NCAM1: variants seen among roughly 807,000 people sequenced by gnomAD.
The protein encoded by NCAM1 is antigen recognized by monoclonal antibody 5.1H11.
In NCAM1, 14 loss-of-function variants were observed where a neutral mutation model predicts 109.8. That is an observed-to-expected ratio of 0.13 (90% CI 0.08 to 0.20). The LOEUF (loss-of-function observed/expected upper bound fraction) is 0.20, where lower values mean the gene tolerates loss of function less well. Ranked by LOEUF, NCAM1 falls within the 10% of genes least tolerant of loss-of-function variation. The pLI is 1.00. For synonymous variants in NCAM1, 418 were observed against 442.9 expected, an observed-to-expected ratio of 0.94 and a Z score of 0.70; for missense variants, 774 against 1,109.9, an observed-to-expected ratio of 0.70 and a Z score of 4.30.
intron 1 of NCAM1, among the ~76,000 whole-genome samples, chr11:113,151,291 T>C (rs1328947002): frequency 6.6e-6 from 1 of 152,146 alleles, no homozygotes; most frequent in Non-Finnish European, 1.5e-5. Context: ...AAAGAGAGAA[T>C]GAAGCTGTGG....
At chr11:113,102,486 C>T (rs1472810263) in intron 1 of NCAM1, among the ~76,000 whole-genome samples, 1 of 152,076 alleles carries the variant, frequency 6.6e-6, no homozygotes, top group African/African-American at 2.4e-5. Context: ...TCTTGCAATT[C>T]CTTTAGCTGG....
chr11:113,164,258 A>G (rs1307866576), intron 1 of NCAM1, among the ~76,000 whole-genome samples: 3 of 152,180 alleles, frequency 2.0e-5, no homozygotes, highest in African/African-American at 7.2e-5. Flanking sequence ...TTTCTCCTAC[A>G]ATACCCATAC....
Position 113,091,328 on chromosome 11 carries a change from G to C in NCAM1, c.53-111051G>C, listed in dbSNP as rs1236520739. Among the ~76,000 whole-genome samples, 5 of 152,058 alleles carry C rather than the reference G, an allele frequency of 3.3e-5. No homozygotes were observed. The East Asian group carries it at 9.6e-4, about 29-fold the overall frequency. The stretch of plus-strand genomic sequence containing the variant: ...CCCTGTTTCTGCTGCTTTCTGCCAG[G>C]GATATCTTTGGCTCAAAGGGTTATC... On this transcript the variant is annotated intron_variant, in intron 1 of 19. Transcript: ENST00000316851.
At position 113,202,392 on chromosome 11, in the gene NCAM1, G is replaced by T. The variant is rs782631468; in HGVS notation, c.66G>T (p.Val22=). 2 of 1,600,268 alleles carry T rather than the reference G, an allele frequency of 1.2e-6. No homozygotes were observed. ...FFLGTAVSLQ[V]DIVPSQGEIS... is the part of the protein sequence containing the mutation. ...TTGTTTTTTCAGTTTCTCTGCAGGT[G>T]GATATTGTTCCCAGCCAGGGGGAGA... The change falls in exon 2 of 20, where the codon GTG becomes GTT. Residue 22 remains valine (V), a synonymous_variant. Transcript: ENST00000316851.
chr11:113,099,721 C>G (rs890076881), intron 1 of NCAM1, among the ~76,000 whole-genome samples: 1 of 152,194 alleles, frequency 6.6e-6, no homozygotes, highest in East Asian at 1.9e-4. Context: ...TGGAGTCTCT[C>G]TCTGTCACCT....
chr11:113,159,923 G>T (rs1942544252), intron 1 of NCAM1, among the ~76,000 whole-genome samples: 1 of 141,780 alleles, frequency 7.1e-6, no homozygotes, highest in Non-Finnish European at 1.5e-5. Context: ...TGAGAATGTA[G>T]TTGTAGCTTT....
At chr11:113,060,071 A>T (rs1014189676) in intron 1 of NCAM1, among the ~76,000 whole-genome samples, 4 of 152,232 alleles carry the variant, frequency 2.6e-5, no homozygotes, top group Admixed American at 1.3e-4. Flanking sequence ...GACTGGCTGA[A>T]ATAAAAGAGT....
chr11:113,225,696 C>T (rs1383652209), intron 9 of NCAM1, among the ~76,000 whole-genome samples: 1 of 152,218 alleles, frequency 6.6e-6, no homozygotes, highest in Non-Finnish European at 1.5e-5. Flanking sequence ...GGTCGGGTTA[C>T]CCACAAAGGG....
intron 1 of NCAM1, among the ~76,000 whole-genome samples, chr11:113,006,667 G>A (rs2135054780): frequency 6.6e-6 from 1 of 152,184 alleles, no homozygotes; most frequent in South Asian, 2.1e-4. Flanking sequence ...TGAACCAGTA[G>A]GTTTTTGTAT....
chr11:113,083,235 C>T (rs1273354859), intron 1 of NCAM1, among the ~76,000 whole-genome samples: 1 of 152,118 alleles, frequency 6.6e-6, no homozygotes, highest in Non-Finnish European at 1.5e-5. Context: ...ATAATTTCAT[C>T]CTTATAACAT....
chr11:113,184,327 G>C (rs1235265344), intron 1 of NCAM1, among the ~76,000 whole-genome samples: 1 of 152,156 alleles, frequency 6.6e-6, no homozygotes, highest in African/African-American at 2.4e-5. Flanking sequence ...ACCTGTAGAG[G>C]TTTAAAATTC....
intron 1 of NCAM1, among the ~76,000 whole-genome samples, chr11:113,059,642 C>A (rs936789701): frequency 6.6e-6 from 1 of 152,158 alleles, no homozygotes; most frequent in Non-Finnish European, 1.5e-5. Context: ...GAAGAAGCCA[C>A]AGGTCTCTTA....
At position 113,153,288 on chromosome 11, in the gene NCAM1, G is replaced by A. The variant is rs538934198; in HGVS notation, c.53-49091G>A. Among the ~76,000 whole-genome samples, 8 of 152,172 alleles carry A rather than the reference G, an allele frequency of 5.3e-5. No individual in the cohort carries two copies. The Middle Eastern group carries it at 0.01, about 194-fold the overall frequency. ...AGACTCCTGACCTCGTGATCCACCC[G>A]CCTCAGCCTCCCAAAGTGTTGGGAT... On this transcript the variant is annotated intron_variant, in intron 1 of 19. Transcript: ENST00000316851.
At chr11:113,204,224 C>A in intron 2 of NCAM1, 62 bp from the exon 3 acceptor site, 1 of 1,378,228 alleles carries the variant, frequency 7.3e-7, no homozygotes, top group Non-Finnish European at 1.0e-6. Flanking sequence ...CACTGTCAGT[C>A]TGGAGGGGAC....
chr11:113,174,748 A>C (rs2136500875), intron 1 of NCAM1, among the ~76,000 whole-genome samples: 1 of 152,338 alleles, frequency 6.6e-6, no homozygotes, highest in East Asian at 1.9e-4. Context: ...ATTATCCCTG[A>C]GGCTAAGAAA....
chr11:113,220,602 C>CTTTTTTTTTTTTTTTTT (rs1175342641), intron 8 of NCAM1, among the ~76,000 whole-genome samples: 20 of 75,590 alleles, frequency 2.6e-4, no homozygotes, highest in East Asian at 1.6e-3. Context: ...CTCTCTCTCT[C>CTTTTTTTTTTTTTTTTT]TTTTTTTTTT....
At chr11:113,100,277 G>T (rs1424473273) in intron 1 of NCAM1, among the ~76,000 whole-genome samples, 1 of 152,182 alleles carries the variant, frequency 6.6e-6, no homozygotes, top group Non-Finnish European at 1.5e-5. Context: ...ACAAGCAAGT[G>T]GGTGCCAGGG....
chr11:113,266,967 G>A (rs1212740960), intron 17 of NCAM1, among the ~76,000 whole-genome samples: 4 of 152,116 alleles, frequency 2.6e-5, no homozygotes, highest in Non-Finnish European at 4.4e-5. Flanking sequence ...GCCTTACAGC[G>A]TCCCTGCCAA....
intron 1 of NCAM1, among the ~76,000 whole-genome samples, chr11:113,007,444 A>AATAT (rs1430525827): frequency 2.6e-5 from 4 of 152,244 alleles, no homozygotes; most frequent in Admixed American, 6.5e-5. Flanking sequence ...AAACAATGCA[A>AATAT]ATAAAACCAC....
Sources: allele counts gnomAD v4.1 joint callset (sites outside exome capture counted in the v4.1 genomes callset), GRCh38; gene constraint gnomAD v4.1.1; transcripts MANE v1.5; gene names NCBI Gene and HGNC (gene_info 2026-07-23, HGNC 2026-07-21).